The following RGS6 variants were observed in gnomAD, a reference collection of about 807,000 sequenced individuals.
The protein encoded by RGS6 is regulator of G-protein signaling 6.
A neutral mutation model predicts 78.5 loss-of-function variants in RGS6; 30 were observed. The observed-to-expected ratio is 0.38, with a 90% CI of 0.29 to 0.52. The LOEUF is 0.52. Among genes scored for constraint, RGS6 ranks in the 20% least tolerant of loss-of-function variants. The pLI is 0.85. For missense variants in RGS6, 495 were observed against 609.7 expected, an observed-to-expected ratio of 0.81 and a Z score of 1.98; for synonymous variants, 206 against 206.0, an observed-to-expected ratio of 1.00 and a Z score of 0.00.
chr14:71,999,184 T>A (rs1294366350), intron 2 of RGS6, among the ~76,000 whole-genome samples: 1 of 152,248 alleles, frequency 6.6e-6, no homozygotes, highest in East Asian at 1.9e-4. Context: ...CGTAGGTTCT[T>A]TTTTACAGAT....
the RGS6 span, among the ~76,000 whole-genome samples, chr14:71,899,843 TTTTAAG>T: frequency 0.024 from 3,638 of 152,282 alleles, 82 homozygotes; most frequent in Non-Finnish European, 0.039. Context: ...TCTAGTGAGA[TTTTAAG>T]TTTAACAGTT....
At chr14:72,619,300 G>A in the RGS6 span, 344 of 1,535,960 alleles carry the variant, frequency 2.2e-4, 1 homozygote, top group Admixed American at 6.6e-3. Context: ...TGGGGCCCTA[G>A]GCCTGGCAGC....
chr14:72,327,036 G>A (rs1243503224), intron 2 of RGS6, among the ~76,000 whole-genome samples: 1 of 152,160 alleles, frequency 6.6e-6, no homozygotes, highest in Non-Finnish European at 1.5e-5. Flanking sequence ...TGAAAGAGTG[G>A]CCTAACACGT....
intron 2 of RGS6, among the ~76,000 whole-genome samples, chr14:72,237,785 A>G (rs192947294): frequency 1.3e-5 from 2 of 152,294 alleles, no homozygotes; most frequent in South Asian, 2.1e-4. Context: ...GGAATGTGGC[A>G]AGAATGAACC....
chr14:72,228,498 T>C lies in RGS6; in HGVS notation c.85-123597T>C, dbSNP rs74470149. ...GGAGGGTTTTAATCAAGGAATGCCATTAGATTTGTATTTGAGAAAGATAAT... is the reference window on the plus strand; with the variant it reads ...GGAGGGTTTTAATCAAGGAATGCCACTAGATTTGTATTTGAGAAAGATAAT... On this transcript the variant is annotated intron_variant, in intron 2 of 17. Transcript: ENST00000553525. Among the ~76,000 whole-genome samples, 1,100 of 152,326 alleles carry C rather than the reference T, an allele frequency of 7.2e-3. 10 individuals carry two copies. The highest frequency in any genetic ancestry group is 0.025 in the African/African-American group (1,046 of 41,576).
At chr14:72,013,430 T>C (rs1022682038) in intron 2 of RGS6, among the ~76,000 whole-genome samples, 3 of 152,216 alleles carry the variant, frequency 2.0e-5, no homozygotes, top group Non-Finnish European at 4.4e-5. Context: ...TGGTAGTTTA[T>C]AGGGATAGTC....
chr14:72,350,700 A>G (rs984747661), intron 2 of RGS6, among the ~76,000 whole-genome samples: 1 of 152,206 alleles, frequency 6.6e-6, no homozygotes, highest in African/African-American at 2.4e-5. Flanking sequence ...TGACAGAGAA[A>G]TAACCTTTGT....
intron 2 of RGS6, among the ~76,000 whole-genome samples, chr14:72,306,168 C>T (rs564036943): frequency 6.6e-6 from 1 of 152,244 alleles, no homozygotes; most frequent in Admixed American, 6.5e-5. Flanking sequence ...AATGGAACAA[C>T]GAAGCCCAGA....
the RGS6 span, among the ~76,000 whole-genome samples, chr14:72,580,815 C>A: frequency 6.6e-6 from 1 of 152,202 alleles, no homozygotes. Flanking sequence ...CAGAACTATT[C>A]ACTTACCTGG....
intron 3 of RGS6, among the ~76,000 whole-genome samples, chr14:72,437,601 G>T (rs1489409048): frequency 2.0e-5 from 3 of 152,186 alleles, no homozygotes; most frequent in Non-Finnish European, 4.4e-5. Flanking sequence ...AATTCACAAT[G>T]AGTTTTATAT....
chr14:72,373,419 AAAGT>A (rs1472014790), intron 3 of RGS6, among the ~76,000 whole-genome samples: 24 of 152,214 alleles, frequency 1.6e-4, no homozygotes, highest in Admixed American at 1.5e-3. Flanking sequence ...AACTGGTAAG[AAAGT>A]AAGGGAAATT....
intron 1 of RGS6, among the ~76,000 whole-genome samples, chr14:71,950,906 A>G (rs1285217685): frequency 6.6e-6 from 1 of 152,176 alleles, no homozygotes; most frequent in African/African-American, 2.4e-5. Flanking sequence ...AATTCAAGAA[A>G]CAACATGCTG....
At chr14:72,025,911 G>A (rs2089745918) in intron 2 of RGS6, among the ~76,000 whole-genome samples, 1 of 151,952 alleles carries the variant, frequency 6.6e-6, no homozygotes, top group Non-Finnish European at 1.5e-5. Context: ...AAGAATAAAG[G>A]GACAAACCTC....
intron 2 of RGS6, among the ~76,000 whole-genome samples, chr14:72,218,673 A>G (rs2046161436): frequency 6.6e-6 from 1 of 152,056 alleles, no homozygotes; most frequent in Non-Finnish European, 1.5e-5. Flanking sequence ...GTGCAGTGGC[A>G]CGATCTTAGC....
chr14:72,619,489 C>G, the RGS6 span: 4 of 1,136,098 alleles, frequency 3.5e-6, no homozygotes, highest in Non-Finnish European at 5.0e-6. Context: ...AAACCAAGTC[C>G]CAGGCCTGAA....
At chr14:72,046,910 C>T (rs527836661) in intron 2 of RGS6, among the ~76,000 whole-genome samples, 4 of 152,244 alleles carry the variant, frequency 2.6e-5, no homozygotes, top group East Asian at 1.9e-4. Context: ...CTTCCAGTAT[C>T]GACAAATAGT....
intron 14 of RGS6, among the ~76,000 whole-genome samples, chr14:72,514,911 C>T (rs1056591056): frequency 6.6e-6 from 1 of 152,220 alleles, no homozygotes; most frequent in African/African-American, 2.4e-5. Flanking sequence ...AGAGGAGCTG[C>T]TGTGGCTCTC....
At chr14:72,017,219 C>A (rs2087218606) in intron 2 of RGS6, among the ~76,000 whole-genome samples, 1 of 152,028 alleles carries the variant, frequency 6.6e-6, no homozygotes, top group African/African-American at 2.4e-5. Flanking sequence ...ATTTTTTTAT[C>A]CCACATTTTT....
chr14:72,277,086 C>T (rs2060798069), intron 2 of RGS6, among the ~76,000 whole-genome samples: 1 of 152,220 alleles, frequency 6.6e-6, no homozygotes, highest in Non-Finnish European at 1.5e-5. Context: ...GAATGAACAA[C>T]TTCCCTCAGT....
Sources: allele counts gnomAD v4.1 joint callset (sites outside exome capture counted in the v4.1 genomes callset), GRCh38; gene constraint gnomAD v4.1.1; transcripts MANE v1.5; gene names NCBI Gene and HGNC (gene_info 2026-07-23, HGNC 2026-07-21).